Variants in CDH13 observed in about 807,000 individuals in gnomAD.
The protein encoded by CDH13 is cadherin-13.
In CDH13, 24 loss-of-function variants were observed where a neutral mutation model predicts 63.8. The ratio of observed to expected loss-of-function variants is 0.38; its 90% CI spans 0.27 to 0.53. CDH13 has a LOEUF of 0.53. Among genes scored for constraint, CDH13 ranks in the 20% least tolerant of loss-of-function variants. The probability of loss-of-function intolerance (pLI) is 0.85; values close to 1 mark genes in which losing one functional copy is unlikely to be tolerated. For synonymous variants in CDH13, 503 were observed against 355.3 expected (o/e 1.42, Z -4.67); for missense variants, 1,049 against 903.1 (o/e 1.16, Z -2.07).
At position 83,643,288 on chromosome 16, in the gene CDH13, AAAAAAAAAAAAAAG is replaced by A. The variant is rs1271286348; in HGVS notation, c.1102-27491_1102-27478del. On this transcript the variant is annotated intron_variant, in intron 8 of 13. Coordinates refer to ENST00000567109, the MANE Select transcript of CDH13 (RefSeq NM_001257.5). ...CCCTATAACTTAGAGTATAATAAAA[AAAAAAAAAAAAAAG>A]AAAAAAAAAATTTAACAGATCTCTC... 4.7e-4 allele frequency among the ~76,000 whole-genome samples: 40 copies of A among 84,740 alleles called. 4 individuals are homozygous for A. The highest frequency in any genetic ancestry group is 1.5e-3 in the African/African-American group (36 of 24,070). The allele number at this position is 84,740 out of a possible 152,430, so 55.6% of individuals were successfully genotyped here.
Position 82,644,963 on chromosome 16 carries a change from G to A in CDH13, c.45+17826G>A, listed in dbSNP as rs1014407979. On this transcript the variant is annotated intron_variant, in intron 1 of 13. Transcript: ENST00000567109. The surrounding 1 kb of genome is among the most constrained non-coding windows in gnomAD (Gnocchi z 5.7). ...TAAACTAATATTTTGGAAAACTCTG[G>A]AGTTAGAGAAGTGGACCAGATTGGG... 6.6e-6 allele frequency among the ~76,000 whole-genome samples: 1 copy of A among 152,138 alleles called. No homozygotes were observed. The highest frequency in any genetic ancestry group is 2.1e-4 in the South Asian group (1 of 4,816).
At chr16:82,862,208 C>G (rs540962641) in intron 2 of CDH13, among the ~76,000 whole-genome samples, 1 of 152,264 alleles carries the variant, frequency 6.6e-6, no homozygotes, top group East Asian at 1.9e-4. Flanking sequence ...TTAGTACCAC[C>G]AGAATTGGAC....
chr16:83,791,041 G>C (rs891437500), intron 13 of CDH13, among the ~76,000 whole-genome samples: 7 of 152,196 alleles, frequency 4.6e-5, no homozygotes, highest in South Asian at 2.1e-4. Context: ...GAGTGGGCAG[G>C]GCACAGTGGC....
intron 5 of CDH13, among the ~76,000 whole-genome samples, chr16:83,295,334 C>T (rs529670233): frequency 3.9e-5 from 6 of 152,078 alleles, no homozygotes; most frequent in African/African-American, 1.4e-4. Context: ...ATTTTTTGGA[C>T]ATAACCTCAA....
chr16:83,314,460 C>T (rs900241397), intron 5 of CDH13, among the ~76,000 whole-genome samples: 4 of 152,102 alleles, frequency 2.6e-5, no homozygotes, highest in Admixed American at 2.6e-4. Context: ...CAGGACAGAG[C>T]ACCCTCTGTG....
At chr16:82,995,520 C>G (rs1261590190) in intron 2 of CDH13, among the ~76,000 whole-genome samples, 1 of 152,142 alleles carries the variant, frequency 6.6e-6, no homozygotes, top group Non-Finnish European at 1.5e-5. Flanking sequence ...GGCATGGCAA[C>G]AGGATGCATC....
chr16:83,702,936 G>A (rs962749652), intron 10 of CDH13, among the ~76,000 whole-genome samples: 1 of 152,192 alleles, frequency 6.6e-6, no homozygotes, highest in Non-Finnish European at 1.5e-5. Flanking sequence ...GTGGAGGTGG[G>A]GCAGGGATGA....
chr16:82,705,865 G>A (rs1236229529), intron 1 of CDH13, among the ~76,000 whole-genome samples: 1 of 152,176 alleles, frequency 6.6e-6, no homozygotes, highest in Non-Finnish European at 1.5e-5. Context: ...GCATGAAGAA[G>A]GGGTAGATGC....
chr16:83,246,739 T>G (rs1343682328), intron 5 of CDH13, among the ~76,000 whole-genome samples: 2 of 152,198 alleles, frequency 1.3e-5, no homozygotes, highest in Non-Finnish European at 2.9e-5. Flanking sequence ...TGCCAGAAGC[T>G]TAAAGCTGGA....
intron 3 of CDH13, among the ~76,000 whole-genome samples, chr16:83,083,550 A>G (rs772039049): frequency 6.6e-6 from 1 of 152,194 alleles, no homozygotes; most frequent in African/African-American, 2.4e-5. Flanking sequence ...AACAGAGCCC[A>G]AAACACATCA....
intron 6 of CDH13, among the ~76,000 whole-genome samples, chr16:83,458,856 G>A (rs148819375): frequency 1.3e-5 from 2 of 152,310 alleles, no homozygotes; most frequent in African/African-American, 4.8e-5. Context: ...TGAGATTTCA[G>A]TTTCACTGCA....
chr16:83,253,744 G>A (rs767065301), intron 5 of CDH13, among the ~76,000 whole-genome samples: 1 of 152,180 alleles, frequency 6.6e-6, no homozygotes, highest in Non-Finnish European at 1.5e-5. Context: ...TCAGTGTTCT[G>A]TTAGCAATTA....
At chr16:83,734,535 G>C (rs1286169938) in intron 10 of CDH13, among the ~76,000 whole-genome samples, 1 of 148,586 alleles carries the variant, frequency 6.7e-6, no homozygotes, top group Non-Finnish European at 1.5e-5. Flanking sequence ...TGAACAATGA[G>C]AACACATGGA....
intron 6 of CDH13, among the ~76,000 whole-genome samples, chr16:83,404,717 G>A (rs1383266264): frequency 6.6e-6 from 1 of 152,190 alleles, no homozygotes; most frequent in East Asian, 1.9e-4. Context: ...AACAGCCACT[G>A]TGTCTTCCCA....
intron 5 of CDH13, among the ~76,000 whole-genome samples, chr16:83,269,407 G>C (rs1304320001): frequency 3.9e-5 from 6 of 152,040 alleles, no homozygotes; most frequent in Non-Finnish European, 5.9e-5. Flanking sequence ...CTCAAATATT[G>C]ATTATCTAAA....
chr16:83,213,055 G>A (rs4564551), intron 4 of CDH13, among the ~76,000 whole-genome samples: 130,395 of 152,162 alleles, frequency 0.86, 58,055 homozygotes, highest in East Asian at 0.97. Context: ...GGCAGGTTCA[G>A]CAGCCACATC....
chr16:83,361,170 C>T (rs1057046094), intron 6 of CDH13, among the ~76,000 whole-genome samples: 5 of 152,092 alleles, frequency 3.3e-5, no homozygotes, highest in African/African-American at 7.2e-5. Context: ...TTTCAGTTTG[C>T]GTTTCCCTGA....
chr16:83,200,240 G>T (rs934211324), intron 4 of CDH13, among the ~76,000 whole-genome samples: 8 of 152,164 alleles, frequency 5.3e-5, no homozygotes, highest in Non-Finnish European at 1.2e-4. Context: ...ATCACCAGAT[G>T]AGCTTAGCAC....
chr16:82,991,242 C>G (rs1911619039), intron 2 of CDH13, among the ~76,000 whole-genome samples: 1 of 152,174 alleles, frequency 6.6e-6, no homozygotes, highest in Non-Finnish European at 1.5e-5. Context: ...AAAAATTGAT[C>G]ACACGCTCTT....
Sources: allele counts gnomAD v4.1 joint callset (sites outside exome capture counted in the v4.1 genomes callset), GRCh38; gene constraint gnomAD v4.1.1; non-coding constraint Gnocchi (gnomAD v3.1); transcripts MANE v1.5; gene names NCBI Gene and HGNC (gene_info 2026-07-23, HGNC 2026-07-21).